Variants in CEP128 observed in about 807,000 individuals in gnomAD.
CEP128 encodes the protein centrosomal protein 128kDa.
Under a neutral mutation model 156.7 loss-of-function variants are expected in CEP128, and 132 were observed. The ratio of observed to expected loss-of-function variants is 0.84; its 90% confidence interval spans 0.73 to 0.97. CEP128 has a LOEUF of 0.97. Among genes scored for constraint, CEP128 ranks in the 50% least tolerant of loss-of-function variants. The probability of loss-of-function intolerance (pLI) is 0.00; values close to 1 mark genes in which losing one functional copy is unlikely to be tolerated. For missense variants in CEP128, 1,252 were observed against 1,281.9 expected, an observed-to-expected ratio of 0.98 and a Z score of 0.36; for synonymous variants, 469 against 448.9, an observed-to-expected ratio of 1.04 and a Z score of -0.57.
intron 19 of CEP128, among the ~76,000 whole-genome samples, chr14:80,717,471 T>C (rs1566874257): frequency 6.6e-6 from 1 of 152,144 alleles, no homozygotes; most frequent in African/African-American, 2.4e-5. Flanking sequence ...GTAGCTGACT[T>C]AGAACAAATT....
chr14:80,616,279 A>T (rs1893207438), intron 19 of CEP128, among the ~76,000 whole-genome samples: 1 of 152,258 alleles, frequency 6.6e-6, no homozygotes, highest in Non-Finnish European at 1.5e-5. Flanking sequence ...CAATGACAAT[A>T]ATAACAGCTA....
At chr14:80,743,341 A>T (rs2139598740) in intron 18 of CEP128, 74 bp from the exon 19 acceptor site, 1 of 1,185,730 alleles carries the variant, frequency 8.4e-7, no homozygotes, top group South Asian at 1.4e-5. Context: ...TGAAGAAAAA[A>T]ATAAGTAACA....
chr14:80,562,396 T>C (rs1890724807), intron 20 of CEP128, among the ~76,000 whole-genome samples: 1 of 152,142 alleles, frequency 6.6e-6, no homozygotes, highest in Non-Finnish European at 1.5e-5. Context: ...TACCAGCCAT[T>C]GTAGTCAATT....
At chr14:80,895,890 T>G in intron 7 of CEP128, 100 bp from the exon 8 acceptor site, 1 of 848,876 alleles carries the variant, frequency 1.2e-6, no homozygotes, top group Middle Eastern at 3.8e-4. Context: ...TACAAAATAT[T>G]CTACTTTAGT....
chr14:80,623,117 T>C (rs1287588594), intron 19 of CEP128, among the ~76,000 whole-genome samples: 2 of 151,856 alleles, frequency 1.3e-5, no homozygotes. Flanking sequence ...CACCATGGAA[T>C]ACTATGCAGC....
intron 19 of CEP128, among the ~76,000 whole-genome samples, chr14:80,740,481 T>C (rs1898761411): frequency 7.5e-6 from 1 of 134,210 alleles, no homozygotes; most frequent in African/African-American, 2.7e-5. Context: ...CACACACAGA[T>C]TCATATTTAT....
intron 19 of CEP128, among the ~76,000 whole-genome samples, chr14:80,728,257 G>T (rs2619657): frequency 3.3e-5 from 5 of 151,620 alleles, no homozygotes; most frequent in Non-Finnish European, 7.4e-5. Context: ...TAATTAATTC[G>T]GGAACACAAA....
rs757409787 is a variant in CEP128, at chr14:80,792,830, T to C, written c.1490A>G (p.His497Arg). 5.0e-6 allele frequency: 8 copies of C among 1,614,134 alleles called. No individual in the cohort carries two copies. The highest frequency in any genetic ancestry group is 1.3e-5 in the African/African-American group (1 of 74,954). ...QESIRQWKLK[H>R]KKLERALEKQ... ...CTCCAACGCTCGTTCTAACTTCTTA[T>C]GCTTAAGCTTCCACTGCCTAATGGA... The change falls in exon 14 of 25, where the codon CAT (histidine) becomes CGT (arginine). Residue 497 changes from histidine to arginine, a missense_variant. By Grantham distance (29) the His-to-Arg change is conservative. Transcript: ENST00000555265.
rs71103883 is a variant in CEP128, at chr14:80,810,323, CAAAAAAAAAAA to C, written c.1210-17224_1210-17214del. 4.8e-3 allele frequency among the ~76,000 whole-genome samples: 73 copies of C among 15,216 alleles called. 4 individuals are homozygous for C. In the South Asian group the frequency reaches 0.1, roughly 21 times the overall value. 10.0% of individuals were successfully genotyped at this position (15,216 alleles called of 152,430 possible). A position where few individuals can be genotyped will look rare whatever the true frequency, so the allele number is the denominator to read the frequency against. On this transcript the variant is annotated intron_variant, in intron 13 of 24. Coordinates refer to ENST00000555265, the MANE Select transcript of CEP128 (RefSeq NM_152446.5). Reference sequence around the variant, plus strand: ...GGGCGACAGAGCAAGACTCCATCTCCAAAAAAAAAAAAAAAAAAAAAAAAAGAATATACAAA... The same window carrying C: ...GGGCGACAGAGCAAGACTCCATCTCCAAAAAAAAAAAAAAGAATATACAAA...
At chr14:80,558,698 T>C (rs930512014) in intron 21 of CEP128, among the ~76,000 whole-genome samples, 3 of 152,002 alleles carry the variant, frequency 2.0e-5, no homozygotes, top group South Asian at 2.1e-4. Context: ...GCTGGGATTA[T>C]GGGCGTGAGC....
At chr14:80,777,468 T>C (rs887717920) in intron 16 of CEP128, among the ~76,000 whole-genome samples, 1 of 152,182 alleles carries the variant, frequency 6.6e-6, no homozygotes, top group Non-Finnish European at 1.5e-5. Flanking sequence ...GTTTTTCTTC[T>C]ATCCAGTCTA....
chr14:80,819,558 T>C (rs774110824), intron 13 of CEP128, among the ~76,000 whole-genome samples: 147 of 152,212 alleles, frequency 9.7e-4, no homozygotes, highest in Non-Finnish European at 1.2e-3. Context: ...TCTGGCCTCT[T>C]CTTATAAGGG....
intron 19 of CEP128, among the ~76,000 whole-genome samples, chr14:80,661,063 G>A (rs189991614): frequency 6.6e-5 from 10 of 152,258 alleles, no homozygotes; most frequent in South Asian, 4.1e-4. Flanking sequence ...GTAACCCAGC[G>A]TCACTGAAGA....
intron 21 of CEP128, among the ~76,000 whole-genome samples, chr14:80,558,982 G>A (rs1481178700): frequency 6.6e-6 from 1 of 152,100 alleles, no homozygotes; most frequent in Non-Finnish European, 1.5e-5. Context: ...AAATACAGTA[G>A]AAACACCAAG....
chr14:80,690,612 T>C (rs1451011916), intron 19 of CEP128, among the ~76,000 whole-genome samples: 2 of 152,120 alleles, frequency 1.3e-5, no homozygotes, highest in African/African-American at 4.8e-5. Context: ...CAAGAAAATA[T>C]ATTTCTTTTC....
rs574738241 is a variant in CEP128 at position 80,868,698 on chromosome 14, T to C, written c.646-5825A>G. ...AATTAAATTCTCCAGTCAAAAGACA[T>C]AGAGTAGCTACTTAGACTTTTTCTA... is the stretch of plus-strand genomic sequence containing the variant. On this transcript the variant is annotated intron_variant, in intron 8 of 24. Transcript: ENST00000555265. 5.3e-5 allele frequency among the ~76,000 whole-genome samples: 8 copies of C among 152,160 alleles called. No individual in the cohort carries two copies. In the South Asian group the frequency reaches 6.2e-4, roughly 12 times the overall value.
intron 21 of CEP128, among the ~76,000 whole-genome samples, chr14:80,534,996 T>G (rs61981664): frequency 1.3e-4 from 20 of 152,164 alleles, no homozygotes; most frequent in Non-Finnish European, 2.2e-4. Flanking sequence ...TTCCACTTCA[T>G]AAAGGGCCAG....
rs145751372 is a variant in CEP128, at chr14:80,660,999, C to A, written c.2807-80576G>T. On this transcript the variant is annotated intron_variant, in intron 19 of 24. Transcript: ENST00000555265. The stretch of plus-strand genomic sequence containing the variant: ...TGCCTTACACAGGTCTTTCCACAGA[C>A]CCTTCAACACATGTAGCAGAGGAAT... Among the ~76,000 whole-genome samples, 4 of 152,156 alleles carry A rather than the reference C, an allele frequency of 2.6e-5. No homozygotes were observed. The South Asian group carries it at 6.2e-4, about 24-fold the overall frequency.
chr14:80,814,565 T>C (rs1210654169), intron 13 of CEP128, among the ~76,000 whole-genome samples: 1 of 152,118 alleles, frequency 6.6e-6, no homozygotes, highest in Non-Finnish European at 1.5e-5. Flanking sequence ...CAAACAAAAA[T>C]GTATTTATTC....
Sources: gnomAD v4.1 joint callset for allele counts (sites outside exome capture counted in the v4.1 genomes callset) on GRCh38, gnomAD v4.1.1 for gene constraint, MANE v1.5 for transcripts, NCBI Gene and HGNC (gene_info 2026-07-23, HGNC 2026-07-21) for gene names.